The following PIK3CA variants were observed in gnomAD, a reference collection of about 807,000 sequenced individuals.
PIK3CA encodes the protein phosphatidylinositol 4,5-bisphosphate 3-kinase catalytic subunit alpha isoform.
Under a neutral mutation model 138.2 loss-of-function variants are expected in PIK3CA, and 27 were observed. The ratio of observed to expected loss-of-function variants is 0.20; its 90% CI spans 0.14 to 0.27. The LOEUF is 0.27. Among genes scored for constraint, PIK3CA ranks in the 10% least tolerant of loss-of-function variants. The pLI is 1.00. For synonymous variants in PIK3CA, 358 were observed against 413.2 expected (o/e 0.87, Z 1.62); for missense variants, 544 against 1,277.4 (o/e 0.43, Z 8.75).
At chr3:179,166,133 A>T (rs1723413243) in intron 1 of PIK3CA, among the ~76,000 whole-genome samples, 1 of 152,242 alleles carries the variant, frequency 6.6e-6, no homozygotes, top group Non-Finnish European at 1.5e-5. Flanking sequence ...TCAAATCATT[A>T]ACAATCCAAT....
At chr3:179,179,521 T>G (rs566318653) in intron 1 of PIK3CA, among the ~76,000 whole-genome samples, 1 of 152,332 alleles carries the variant, frequency 6.6e-6, no homozygotes, top group South Asian at 2.1e-4. Flanking sequence ...GAAAAGAGCA[T>G]GACAGAATGT....
At chr3:179,201,223 T>G in intron 3 of PIK3CA, 67 bp from the exon 4 acceptor site, 5 of 1,314,602 alleles carry the variant, frequency 3.8e-6, no homozygotes, top group Non-Finnish European at 5.3e-6. Flanking sequence ...AGTGAATACT[T>G]GTTGAAATTT....
At chr3:179,179,631 T>C (rs1219563443) in intron 1 of PIK3CA, among the ~76,000 whole-genome samples, 1 of 152,236 alleles carries the variant, frequency 6.6e-6, no homozygotes, top group African/African-American at 2.4e-5. Context: ...GCTTAAGATG[T>C]GCAGAGTTCG....
chr3:179,165,631 CAG>C (rs1219183897), intron 1 of PIK3CA, among the ~76,000 whole-genome samples: 23 of 152,190 alleles, frequency 1.5e-4, no homozygotes, highest in African/African-American at 5.1e-4. Flanking sequence ...TGTTGAAGAA[CAG>C]ACCTTGGGAT....
chr3:179,166,571 G>T (rs1220957956), intron 1 of PIK3CA, among the ~76,000 whole-genome samples: 2 of 152,100 alleles, frequency 1.3e-5, no homozygotes, highest in Non-Finnish European at 2.9e-5. Flanking sequence ...ACTCTGCTTT[G>T]TAATGCTTAT....
At chr3:179,225,079 C>T (rs1160539214) in intron 16 of PIK3CA, among the ~76,000 whole-genome samples, 3 of 151,668 alleles carry the variant, frequency 2.0e-5, no homozygotes, top group Non-Finnish European at 2.9e-5. Flanking sequence ...TGCCTCCAAC[C>T]CCCCTCCCGT....
intron 4 of PIK3CA, among the ~76,000 whole-genome samples, 187 bp from the exon 5 acceptor site, chr3:179,203,357 C>T (rs570540354): frequency 4.7e-4 from 71 of 152,222 alleles, no homozygotes; most frequent in Non-Finnish European, 8.1e-4. Flanking sequence ...TTTGATTGAT[C>T]TTGTGCTTCA....
At chr3:179,151,625 G>A (rs9873904) in intron 1 of PIK3CA, among the ~76,000 whole-genome samples, 1,667 of 152,226 alleles carry the variant, frequency 0.011, 38 homozygotes, top group African/African-American at 0.038. Context: ...TAATAGAAAA[G>A]GATGTAAAGC....
In PIK3CA at chr3:179,221,463, A is replaced by T. The variant is rs7624090; in HGVS notation, c.2187+306A>T. Among the ~76,000 whole-genome samples the T allele has an allele frequency of 0.08, 12,132 of 152,170 alleles. 511 individuals carry two copies. Among genetic ancestry groups the T allele is most frequent in the African/African-American group, 0.1 (4,317 of 41,522 alleles). ...ATAGAAGGTGGCCAATAAATGTTAG[A>T]TCCCTTTACTTTCCCTTCCTTTCTC... On this transcript the variant is annotated intron_variant, in intron 14 of 20. Transcript: ENST00000263967.
At chr3:179,208,126 C>G (rs1305616795) in intron 6 of PIK3CA, among the ~76,000 whole-genome samples, 1 of 151,990 alleles carries the variant, frequency 6.6e-6, no homozygotes, top group East Asian at 1.9e-4. Flanking sequence ...CACATTTCCC[C>G]ATTTTAAATG....
intron 9 of PIK3CA, among the ~76,000 whole-genome samples, 172 bp downstream of exon 9, chr3:179,210,737 C>T (rs1724689503): frequency 6.6e-6 from 1 of 152,218 alleles, no homozygotes. Context: ...TACTGCACCT[C>T]TGCTTTTTTA....
intron 5 of PIK3CA, among the ~76,000 whole-genome samples, chr3:179,204,125 G>A (rs1560139743): frequency 6.6e-6 from 1 of 152,080 alleles, no homozygotes. Context: ...TAAAATTCCG[G>A]TATCTTATTA....
chr3:179,202,939 GTTT>G (rs372017091), intron 4 of PIK3CA, among the ~76,000 whole-genome samples: 4 of 119,018 alleles, frequency 3.4e-5, no homozygotes, highest in South Asian at 2.7e-4. Context: ...TGTGATCCTT[GTTT>G]TTTTTTTTTT....
chr3:179,187,887 T>C (rs1235782800), intron 1 of PIK3CA, among the ~76,000 whole-genome samples: 1 of 152,150 alleles, frequency 6.6e-6, no homozygotes, highest in Non-Finnish European at 1.5e-5. Context: ...TCCGCCCGCC[T>C]CGGCCTCCCA....
chr3:179,235,471 C>G lies in PIK3CA; in HGVS notation c.*1107C>G, dbSNP rs1180115462. On this transcript the variant is annotated 3_prime_UTR_variant, in exon 21 of 21. Coordinates refer to ENST00000263967, the MANE Select transcript of PIK3CA (RefSeq NM_006218.4). ...GGCTCAGGCACTATCCCATTTATAC[C>G]AATAACCAGTGTATAACTACTTAAG... 5.3e-6 allele frequency: 1 copy of G among 189,600 alleles called. No individual in the cohort carries two copies. The highest frequency in any genetic ancestry group is 1.1e-5 in the Non-Finnish European group (1 of 90,148). The allele number at this position is 189,600 out of a possible 1,614,324, so 11.7% of individuals were successfully genotyped here.
intron 1 of PIK3CA, chr3:179,149,658 C>T (rs1201356804): frequency 4.6e-5 from 7 of 152,142 alleles, no homozygotes; most frequent in Admixed American, 4.6e-4. Flanking sequence ...CCTGGGTTTT[C>T]GGAACGATGT....
intron 1 of PIK3CA, among the ~76,000 whole-genome samples, chr3:179,157,378 AT>A (rs1325454921): frequency 1.3e-5 from 2 of 152,146 alleles, no homozygotes; most frequent in African/African-American, 4.8e-5. Flanking sequence ...ATACTTGATA[AT>A]AACAGTGGTA....
rs540447031 is a variant in PIK3CA at position 179,168,722 on chromosome 3, T to C, written c.-77+20119T>C. ...TTTTGCAAATATAGGTGAAATGTTA[T>C]ATCCTTATGATTTTATTTTTATATT... On this transcript the variant is annotated intron_variant, in intron 1 of 20. Coordinates refer to ENST00000263967, the MANE Select transcript of PIK3CA (RefSeq NM_006218.4). Among the ~76,000 whole-genome samples, 8 of 152,312 alleles carry C rather than the reference T, an allele frequency of 5.3e-5. No individual in the cohort carries two copies. In the South Asian group the frequency reaches 1.7e-3, roughly 32 times the overall value.
At chr3:179,151,979 C>A (rs1723024571) in intron 1 of PIK3CA, among the ~76,000 whole-genome samples, 1 of 152,136 alleles carries the variant, frequency 6.6e-6, no homozygotes, top group South Asian at 2.1e-4. Flanking sequence ...GATAGGGACT[C>A]CTATCTTATA....
Sources: gnomAD v4.1 joint callset for allele counts (sites outside exome capture counted in the v4.1 genomes callset) on GRCh38, gnomAD v4.1.1 for gene constraint, MANE v1.5 for transcripts, NCBI Gene and HGNC (gene_info 2026-07-23, HGNC 2026-07-21) for gene names.